KCNQ1OT1: variants seen among roughly 807,000 people sequenced by gnomAD.
KCNQ1OT1 encodes KCNQ1 antisense RNA 2 (non-protein coding).
In KCNQ1OT1 at chr11:2,678,731, G is replaced by A. The variant is rs572946605; in HGVS notation, n.21264C>T. 4 of 398,608 alleles carry A rather than the reference G, an allele frequency of 1.0e-5. No homozygotes were observed. The highest frequency in any genetic ancestry group is 1.8e-5 in the Non-Finnish European group (4 of 226,066). The allele number at this position is 398,608 out of a possible 1,614,324, so 24.7% of individuals were successfully genotyped here. A position where few individuals can be genotyped will look rare whatever the true frequency, so the allele number is the denominator to read the frequency against. On this transcript the variant is annotated non_coding_transcript_exon_variant, in exon 1 of 1. Transcript: ENST00000597346. This position sits in a 1 kb window ranked among gnomAD's most constrained non-coding sequence, Gnocchi z 4.9. ...AGATTTAAACACAGGATTAGCTCTT[G>A]AGTTAGACAGGAAGCTGGGGTGTTT...
exon 1 of KCNQ1OT1, chr11:2,625,156 T>C (rs1849243035): frequency 2.5e-6 from 1 of 398,538 alleles, no homozygotes; most frequent in Non-Finnish European, 4.4e-6. Context: ...AACACCAAAC[T>C]GTTTAACACA....
chr11:2,616,936 CT>C (rs1234054281), exon 1 of KCNQ1OT1: 2 of 395,076 alleles, frequency 5.1e-6, no homozygotes, highest in African/African-American at 4.2e-5. Context: ...TATTGGGCTT[CT>C]GTCTGGCTGT....
In KCNQ1OT1 at chr11:2,670,265, T is replaced by C. The variant is rs558215526; in HGVS notation, n.29730A>G. ...CATGACGGGCGAGGGAAGAGGACCA[T>C]GGTAGCTTGTCTCTAGGCAACCCAT... On this transcript the variant is annotated non_coding_transcript_exon_variant, in exon 1 of 1. Coordinates refer to ENST00000597346, the Ensembl canonical transcript of KCNQ1OT1. This position sits in a 1 kb window ranked among gnomAD's most constrained non-coding sequence, Gnocchi z 4.9. The C allele has an allele frequency of 1.0e-5, 4 of 398,466 alleles. No individual in the cohort carries two copies. In the South Asian group the frequency reaches 5.1e-4, roughly 51 times the overall value. 24.7% of individuals were successfully genotyped at this position (398,466 alleles called of 1,614,324 possible). A position where few individuals can be genotyped will look rare whatever the true frequency, so the allele number is the denominator to read the frequency against.
At chr11:2,689,247 C>T in exon 1 of KCNQ1OT1, 1 of 398,712 alleles carries the variant, frequency 2.5e-6, no homozygotes, top group Non-Finnish European at 4.4e-6. Flanking sequence ...GAAGTCAGCC[C>T]TTGGAGGACG....
exon 1 of KCNQ1OT1, chr11:2,625,266 T>C (rs1175258705): frequency 2.5e-6 from 1 of 398,628 alleles, no homozygotes; most frequent in African/African-American, 2.1e-5. Flanking sequence ...GTGGGATTTT[T>C]TTGAGACAAG....
exon 1 of KCNQ1OT1, chr11:2,693,573 G>T (rs560499996): frequency 5.0e-6 from 2 of 398,672 alleles, no homozygotes; most frequent in East Asian, 7.1e-5. Context: ...GAGGAGCAGG[G>T]ATTCTTCCAT....
exon 1 of KCNQ1OT1, chr11:2,641,997 A>G (rs1849586980): frequency 2.5e-6 from 1 of 398,394 alleles, no homozygotes; most frequent in Admixed American, 4.4e-5. Context: ...ATCAGTTTTT[A>G]TTCCAATACC....
chr11:2,636,957 T>C (rs1340493852), exon 1 of KCNQ1OT1: 1 of 152,248 alleles, frequency 6.6e-6, no homozygotes, highest in East Asian at 1.9e-4. Context: ...TTCTAGATTT[T>C]CTAGTTTATT....
exon 1 of KCNQ1OT1, chr11:2,631,454 A>T: frequency 2.5e-6 from 1 of 396,978 alleles, no homozygotes; most frequent in Non-Finnish European, 4.4e-6. Context: ...CTATTTCTTT[A>T]TTGAATGTCT....
exon 1 of KCNQ1OT1, chr11:2,629,352 A>C: frequency 2.5e-6 from 1 of 398,320 alleles, no homozygotes. Flanking sequence ...CAATTTCTCT[A>C]TTTTTTATTT....
In KCNQ1OT1 at chr11:2,698,608, CCT is replaced by C; in HGVS notation, n.1385_1386del. On this transcript the variant is annotated non_coding_transcript_exon_variant, in exon 1 of 1. Coordinates refer to ENST00000597346, the Ensembl canonical transcript of KCNQ1OT1. This position sits in a 1 kb window ranked among gnomAD's most constrained non-coding sequence, Gnocchi z 5.1. ...TAGAGGCAGAACTTCGACTTCAATT[CCT>C]GACTCCCATACCCCACTGAGACCTC... 2.5e-6 allele frequency: 1 copy of C among 398,578 alleles called. No individual in the cohort carries two copies. Among genetic ancestry groups the C allele is most frequent in the Admixed American group, 4.4e-5 (1 of 22,730 alleles). The allele number at this position is 398,578 out of a possible 1,614,324, so 24.7% of individuals were successfully genotyped here. A position where few individuals can be genotyped will look rare whatever the true frequency, so the allele number is the denominator to read the frequency against.
chr11:2,697,759 T>C (rs1850703502), exon 1 of KCNQ1OT1: 1 of 398,520 alleles, frequency 2.5e-6, no homozygotes, highest in Non-Finnish European at 4.4e-6. Flanking sequence ...TATTATTGGA[T>C]TCAGTTAGCT....
chr11:2,693,187 CTCTGCG>C (rs1273495068), exon 1 of KCNQ1OT1: 1 of 398,560 alleles, frequency 2.5e-6, no homozygotes, highest in Non-Finnish European at 4.4e-6. Context: ...TCTGGTCTGG[CTCTGCG>C]TTCCAGTCAG....
In KCNQ1OT1 at chr11:2,691,125, A is replaced by C. The variant is rs529728285; in HGVS notation, n.8870T>G. The C allele has an allele frequency of 3.8e-4, 151 of 398,620 alleles. No individual in the cohort carries two copies. In the East Asian group the frequency reaches 5.3e-3, roughly 14 times the overall value. 24.7% of individuals were successfully genotyped at this position (398,620 alleles called of 1,614,324 possible). A position where few individuals can be genotyped will look rare whatever the true frequency, so the allele number is the denominator to read the frequency against. ...AACAGTAGGGGTGGAGGCTGTGCAGACCTGGTGCAGAGTCTGTGCTGGCCT... is the reference window on the plus strand; with the variant it reads ...AACAGTAGGGGTGGAGGCTGTGCAGCCCTGGTGCAGAGTCTGTGCTGGCCT... On this transcript the variant is annotated non_coding_transcript_exon_variant, in exon 1 of 1. Transcript: ENST00000597346. This position sits in a 1 kb window ranked among gnomAD's most constrained non-coding sequence, Gnocchi z 6.4.
In KCNQ1OT1 at chr11:2,670,038, A is replaced by G. The variant is rs1850152664; in HGVS notation, n.29957T>C. ...GGGTCCCGTGGAGGTACAGGCGGAA[A>G]CCTAGCACTCACTATTCTGCTCTGG... On this transcript the variant is annotated non_coding_transcript_exon_variant, in exon 1 of 1. Transcript: ENST00000597346. This position sits in a 1 kb window ranked among gnomAD's most constrained non-coding sequence, Gnocchi z 4.9. 7.5e-6 allele frequency: 3 copies of G among 398,584 alleles called. No homozygotes were observed. In the East Asian group the frequency reaches 1.1e-4, roughly 14 times the overall value. 24.7% of individuals were successfully genotyped at this position (398,584 alleles called of 1,614,324 possible).
chr11:2,675,493 A>G, exon 1 of KCNQ1OT1: 1 of 398,700 alleles, frequency 2.5e-6, no homozygotes, highest in Middle Eastern at 6.3e-4. Context: ...ATTTCATGAG[A>G]CATAGCAGTC....
At position 2,698,552 on chromosome 11, in the gene KCNQ1OT1, G is replaced by A. The variant is rs1005975278; in HGVS notation, n.1443C>T. On this transcript the variant is annotated non_coding_transcript_exon_variant, in exon 1 of 1. Transcript: ENST00000597346. The surrounding 1 kb of genome is among the most constrained non-coding windows in gnomAD (Gnocchi z 5.1). ...CAACTCAGACTGCAACCTTTACTTC[G>A]CCCCCTAATTCCTGACTCAGAATCC... The A allele has an allele frequency of 2.5e-6, 1 of 395,842 alleles. No individual in the cohort carries two copies. Among genetic ancestry groups the A allele is most frequent in the Non-Finnish European group, 4.4e-6 (1 of 225,506 alleles). 24.5% of individuals were successfully genotyped at this position (395,842 alleles called of 1,614,324 possible).
rs893639345 is a variant in KCNQ1OT1, at chr11:2,676,628, C to T, written n.23367G>A. 5 of 398,526 alleles carry T rather than the reference C, an allele frequency of 1.3e-5. No individual in the cohort carries two copies. Among genetic ancestry groups the T allele is most frequent in the African/African-American group, 1.0e-4 (5 of 48,618 alleles). The allele number at this position is 398,526 out of a possible 1,614,324, so 24.7% of individuals were successfully genotyped here. On this transcript the variant is annotated non_coding_transcript_exon_variant, in exon 1 of 1. Transcript: ENST00000597346. The surrounding 1 kb of genome is among the most constrained non-coding windows in gnomAD (Gnocchi z 4.2). ...GAGGCCTCTAAGAAATGGGTAGCTT[C>T]ACAGATTCACAGATAGATAGTTCAT...
In KCNQ1OT1 at chr11:2,669,447, GC is replaced by G. The variant is rs1358915096; in HGVS notation, n.30547del. 5.0e-6 allele frequency: 2 copies of G among 398,486 alleles called. No homozygotes were observed. The allele number at this position is 398,486 out of a possible 1,614,324, so 24.7% of individuals were successfully genotyped here. A position where few individuals can be genotyped will look rare whatever the true frequency, so the allele number is the denominator to read the frequency against. ...GGTTGACTTTCATATCTTTTACCTT[GC>G]CCTGTAGTTTTCAGTGTGGTGGTCA... On this transcript the variant is annotated non_coding_transcript_exon_variant, in exon 1 of 1. Coordinates refer to ENST00000597346, the Ensembl canonical transcript of KCNQ1OT1. The surrounding 1 kb of genome is among the most constrained non-coding windows in gnomAD (Gnocchi z 5.6).
Sources: allele counts gnomAD v4.1 joint callset, GRCh38; gene constraint gnomAD v4.1.1; non-coding constraint Gnocchi (gnomAD v3.1); transcripts MANE v1.5; gene names NCBI Gene and HGNC (gene_info 2026-07-23, HGNC 2026-07-21).